The following PIP4K2A variants were observed in gnomAD, a reference collection of about 807,000 sequenced individuals.
PIP4K2A encodes phosphatidylinositol-5-phosphate 4-kinase type 2 alpha.
PIP4K2A carries 14 observed loss-of-function variants against 42.9 expected under a neutral mutation model. The ratio of observed to expected loss-of-function variants is 0.33; its 90% CI spans 0.22 to 0.51. The LOEUF (loss-of-function observed/expected upper bound fraction) is 0.51. Ranked by LOEUF, PIP4K2A falls within the 20% of genes least tolerant of loss-of-function variation. The pLI, the probability that PIP4K2A is intolerant of heterozygous loss-of-function variation, is 0.97. For synonymous variants in PIP4K2A, 192 were observed against 192.2 expected (o/e 1.00, Z 0.01); for missense variants, 434 against 519.8 (o/e 0.83, Z 1.61).
At chr10:22,692,224 T>C (rs1316430129) in intron 1 of PIP4K2A, among the ~76,000 whole-genome samples, 2 of 151,922 alleles carry the variant, frequency 1.3e-5, no homozygotes, top group Non-Finnish European at 2.9e-5. Flanking sequence ...TAACCTAGAT[T>C]GCTCACGTGT....
chr10:22,542,085 T>G, intron 7 of PIP4K2A, 38 bp from the exon 8 acceptor site: 1 of 1,549,928 alleles, frequency 6.5e-7, no homozygotes, highest in South Asian at 1.2e-5. Context: ...AGCCACACCT[T>G]AAACATAAAA....
chr10:22,588,183 C>T (rs7917130), intron 4 of PIP4K2A, among the ~76,000 whole-genome samples: 42,335 of 152,106 alleles, frequency 0.28, 6,262 homozygotes, highest in African/African-American at 0.31. Flanking sequence ...AATTTGCTTT[C>T]GTTTAAATGT....
chr10:22,670,976 T>C (rs1237636448), intron 1 of PIP4K2A, among the ~76,000 whole-genome samples: 2 of 152,194 alleles, frequency 1.3e-5, no homozygotes, highest in East Asian at 3.8e-4. Context: ...GCAGTCATCA[T>C]ATTGGCATCA....
At chr10:22,565,424 T>G (rs1836822672) in intron 6 of PIP4K2A, among the ~76,000 whole-genome samples, 1 of 152,240 alleles carries the variant, frequency 6.6e-6, no homozygotes, top group Non-Finnish European at 1.5e-5. Flanking sequence ...CTGTCTTTAC[T>G]GCAATCTCTC....
intron 6 of PIP4K2A, among the ~76,000 whole-genome samples, chr10:22,554,905 A>G (rs1836497451): frequency 6.6e-6 from 1 of 152,174 alleles, no homozygotes; most frequent in Non-Finnish European, 1.5e-5. Flanking sequence ...CCCCGTGAGT[A>G]AATACAGCCC....
At chr10:22,615,460 T>C (rs920309115) in intron 1 of PIP4K2A, among the ~76,000 whole-genome samples, 1 of 152,220 alleles carries the variant, frequency 6.6e-6, no homozygotes, top group African/African-American at 2.4e-5. Flanking sequence ...CGCACACATA[T>C]AGTTCTATCT....
chr10:22,546,344 C>CAG (rs1836257955), intron 7 of PIP4K2A, among the ~76,000 whole-genome samples: 1 of 152,090 alleles, frequency 6.6e-6, no homozygotes, highest in Non-Finnish European at 1.5e-5. Flanking sequence ...AAACAGGTTT[C>CAG]AGTTTGTAGA....
chr10:22,543,444 C>A (rs1299397006), intron 7 of PIP4K2A, among the ~76,000 whole-genome samples: 1 of 152,214 alleles, frequency 6.6e-6, no homozygotes, highest in Non-Finnish European at 1.5e-5. Context: ...TGGGAGAAAC[C>A]TGTTTGTTTA....
chr10:22,640,725 G>C (rs949026019), intron 1 of PIP4K2A, among the ~76,000 whole-genome samples: 2 of 152,122 alleles, frequency 1.3e-5, no homozygotes, highest in African/African-American at 4.8e-5. Flanking sequence ...GAATCTAAAC[G>C]GGGTGATTGA....
intron 4 of PIP4K2A, among the ~76,000 whole-genome samples, chr10:22,583,538 G>A (rs1837325311): frequency 1.3e-5 from 2 of 152,192 alleles, no homozygotes; most frequent in Non-Finnish European, 2.9e-5. Context: ...CACGGACACT[G>A]AGGACATTAG....
At position 22,536,724 on chromosome 10, in the gene PIP4K2A, A is replaced by AAAAAAAAAAAAAAAAAAAAACAAAAC. The variant is rs1554791590; in HGVS notation, c.*476_*477insGTTTTGTTTTTTTTTTTTTTTTTTTT. ...CACATCTTTCAACTCCAAAAAAAAA[A>AAAAAAAAAAAAAAAAAAAAACAAAAC]AAAAAAAAAAAAAACTGATCCACAG... On this transcript the variant is annotated 3_prime_UTR_variant, in exon 10 of 10. Transcript: ENST00000376573. 1 of 136,824 alleles carries AAAAAAAAAAAAAAAAAAAAACAAAAC rather than the reference A, an allele frequency of 7.3e-6. No individual in the cohort carries two copies. The allele number at this position is 136,824 out of a possible 1,614,324, so 8.5% of individuals were successfully genotyped here. A position where few individuals can be genotyped will look rare whatever the true frequency, so the allele number is the denominator to read the frequency against.
intron 1 of PIP4K2A, among the ~76,000 whole-genome samples, chr10:22,712,675 C>T (rs1421310046): frequency 6.6e-6 from 1 of 152,136 alleles, no homozygotes; most frequent in East Asian, 1.9e-4. Flanking sequence ...AATGCATGCT[C>T]TTGTAACAAC....
intron 1 of PIP4K2A, among the ~76,000 whole-genome samples, chr10:22,707,865 T>G (rs922347823): frequency 6.6e-6 from 1 of 152,190 alleles, no homozygotes; most frequent in Non-Finnish European, 1.5e-5. Flanking sequence ...AAAGGATCCT[T>G]GAACTTGCTA....
chr10:22,664,976 A>T (rs1272653972), intron 1 of PIP4K2A, among the ~76,000 whole-genome samples: 1 of 150,162 alleles, frequency 6.7e-6, no homozygotes, highest in African/African-American at 2.5e-5. Context: ...AAAAAAATTC[A>T]AATAGAGAAA....
chr10:22,575,618 A>G (rs193199399), intron 4 of PIP4K2A, among the ~76,000 whole-genome samples: 1 of 152,292 alleles, frequency 6.6e-6, no homozygotes, highest in Admixed American at 6.5e-5. Context: ...CATTAGCTAA[A>G]TTATTACACT....
intron 5 of PIP4K2A, among the ~76,000 whole-genome samples, chr10:22,571,751 CA>C (rs1276146155): frequency 2.0e-5 from 3 of 152,186 alleles, no homozygotes; most frequent in African/African-American, 7.2e-5. Flanking sequence ...GTTGTTAAAA[CA>C]TGCTTTAACA....
At chr10:22,624,422 A>G (rs1171697848) in intron 1 of PIP4K2A, among the ~76,000 whole-genome samples, 1 of 152,244 alleles carries the variant, frequency 6.6e-6, no homozygotes, top group Non-Finnish European at 1.5e-5. Flanking sequence ...TAAATTACAC[A>G]GCCTATGAAG....
At chr10:22,563,866 G>C (rs1356799272) in intron 6 of PIP4K2A, among the ~76,000 whole-genome samples, 1 of 152,214 alleles carries the variant, frequency 6.6e-6, no homozygotes, top group Non-Finnish European at 1.5e-5. Context: ...ATTTAAAACG[G>C]TCTGGCATAT....
intron 1 of PIP4K2A, among the ~76,000 whole-genome samples, chr10:22,688,897 C>T (rs1339851594): frequency 2.0e-5 from 3 of 152,190 alleles, no homozygotes; most frequent in Non-Finnish European, 4.4e-5. Context: ...TACATATATG[C>T]ATACCCAGAG....
Sources: allele counts gnomAD v4.1 joint callset (sites outside exome capture counted in the v4.1 genomes callset), GRCh38; gene constraint gnomAD v4.1.1; transcripts MANE v1.5; gene names NCBI Gene and HGNC (gene_info 2026-07-23, HGNC 2026-07-21).